Variants in TMEM163 observed in about 807,000 individuals in gnomAD.
TMEM163 encodes transmembrane protein 163.
Under a neutral mutation model 29.3 loss-of-function variants are expected in TMEM163, and 17 were observed. The ratio of observed to expected loss-of-function variants is 0.58; its 90% CI spans 0.40 to 0.87. TMEM163 has a LOEUF of 0.87. Ranked by LOEUF, TMEM163 falls within the 40% of genes least tolerant of loss-of-function variation. The probability of loss-of-function intolerance (pLI) is 0.00; values close to 1 mark genes in which losing one functional copy is unlikely to be tolerated. For missense variants in TMEM163, 303 were observed against 381.5 expected (o/e 0.79, Z 1.71); for synonymous variants, 157 against 160.6 (o/e 0.98, Z 0.17).
At chr2:134,467,924 G>A (rs1395260246) in intron 5 of TMEM163, 7 of 152,088 alleles carry the variant, frequency 4.6e-5, no homozygotes, top group Admixed American at 2.0e-4. Context: ...ATCACCTCAC[G>A]GAAGTTTTAC....
intron 2 of TMEM163, among the ~76,000 whole-genome samples, chr2:134,632,909 ATT>A (rs57488299): frequency 9.3e-5 from 11 of 118,602 alleles, no homozygotes; most frequent in African/African-American, 1.6e-4. Context: ...CACCCAGCTA[ATT>A]TTTTTTTTTT....
At chr2:134,570,947 C>T (rs943937999) in intron 2 of TMEM163, among the ~76,000 whole-genome samples, 2 of 152,200 alleles carry the variant, frequency 1.3e-5, no homozygotes, top group African/African-American at 4.8e-5. Flanking sequence ...AATGCGTTCT[C>T]ATTTATTTTG....
chr2:134,456,519 G>C lies in TMEM163; in HGVS notation c.*197C>G. 1.6e-6 allele frequency: 1 copy of C among 633,948 alleles called. No individual in the cohort carries two copies. Among genetic ancestry groups the C allele is most frequent in the Non-Finnish European group, 2.8e-6 (1 of 355,858 alleles). The allele number at this position is 633,948 out of a possible 1,614,324, so 39.3% of individuals were successfully genotyped here. On this transcript the variant is annotated 3_prime_UTR_variant, in exon 8 of 8. Transcript: ENST00000281924. Reference sequence around the variant, plus strand: ...AAGGAGGTCCATTCCTATGGGCATTGTCCCAACATGTTTGATGGGGGCGGC... The same window carrying C: ...AAGGAGGTCCATTCCTATGGGCATTCTCCCAACATGTTTGATGGGGGCGGC...
At chr2:134,690,287 G>A (rs1684435085) in intron 2 of TMEM163, among the ~76,000 whole-genome samples, 1 of 145,806 alleles carries the variant, frequency 6.9e-6, no homozygotes, top group African/African-American at 2.5e-5. Flanking sequence ...ACCTACATCA[G>A]CAATTTTTTT....
chr2:134,662,548 A>G (rs1266903849), intron 2 of TMEM163, among the ~76,000 whole-genome samples: 1 of 152,176 alleles, frequency 6.6e-6, no homozygotes, highest in African/African-American at 2.4e-5. Context: ...AAAAAAAAAG[A>G]CTAGCTGTAA....
chr2:134,513,284 T>C (rs1679988962), intron 4 of TMEM163, among the ~76,000 whole-genome samples: 1 of 152,140 alleles, frequency 6.6e-6, no homozygotes, highest in Non-Finnish European at 1.5e-5. Flanking sequence ...AAGTGTGGGA[T>C]GTGTGTGTTA....
rs751838338 is a variant in TMEM163, at chr2:134,614,247, G to A, written c.323-62156C>T. On this transcript the variant is annotated intron_variant, in intron 2 of 7. Transcript: ENST00000281924. ...AGGGACAGTTTTTTCAACATACAAT[G>A]ATGGAGATATCAGATATCAAAGGGC... Among the ~76,000 whole-genome samples, 9 of 152,082 alleles carry A rather than the reference G, an allele frequency of 5.9e-5. No homozygotes were observed. In the South Asian group the frequency reaches 6.2e-4, roughly 10 times the overall value.
At chr2:134,578,118 T>G (rs1032722861) in intron 2 of TMEM163, among the ~76,000 whole-genome samples, 1 of 152,170 alleles carries the variant, frequency 6.6e-6, no homozygotes, top group African/African-American at 2.4e-5. Flanking sequence ...TTTTTGATAA[T>G]ACAGTTATAT....
At chr2:134,660,350 A>C (rs1246151392) in intron 2 of TMEM163, among the ~76,000 whole-genome samples, 1 of 152,216 alleles carries the variant, frequency 6.6e-6, no homozygotes, top group Non-Finnish European at 1.5e-5. Context: ...CTCTGCAATC[A>C]GGAAGGCAAG....
At chr2:134,698,380 T>C (rs1684625168) in intron 2 of TMEM163, among the ~76,000 whole-genome samples, 1 of 152,224 alleles carries the variant, frequency 6.6e-6, no homozygotes, top group Admixed American at 6.5e-5. Flanking sequence ...TTGTAAATAA[T>C]GGTCTCATTT....
chr2:134,582,190 G>A (rs61091974), intron 2 of TMEM163, among the ~76,000 whole-genome samples: 1 of 152,288 alleles, frequency 6.6e-6, no homozygotes, highest in South Asian at 2.1e-4. Flanking sequence ...GAGGACAAAG[G>A]CTGGGAAGGG....
At chr2:134,551,581 C>T (rs183911153) in intron 3 of TMEM163, among the ~76,000 whole-genome samples, 1 of 152,294 alleles carries the variant, frequency 6.6e-6, no homozygotes, top group Admixed American at 6.5e-5. Context: ...ACAGACCTAG[C>T]CTGTGAAGCA....
rs534703697 is a variant in TMEM163 at position 134,460,194 on chromosome 2, ACT to A, written c.668-2023_668-2022del. On this transcript the variant is annotated intron_variant, in intron 6 of 7. Coordinates refer to ENST00000281924, the MANE Select transcript of TMEM163 (RefSeq NM_030923.5). The surrounding 1 kb of genome is among the most constrained non-coding windows in gnomAD (Gnocchi z 4.3). ...CCCTCTGTCGGTGAGCAGCAGCCAG[ACT>A]CTCCCGCAGGAAAGCCCCCGTCACG... Among the ~76,000 whole-genome samples the A allele has an allele frequency of 1.0e-3, 157 of 149,534 alleles. 1 individual carries two copies. The highest frequency in any genetic ancestry group is 6.9e-3 in the Middle Eastern group (2 of 288).
rs111674433 is a variant in TMEM163 at position 134,466,209 on chromosome 2, C to T, written c.572G>A (p.Ser191Asn). The change falls in exon 6 of 8, where the codon AGT becomes AAT. Residue 191 changes from serine (S) to asparagine (N), a missense_variant. Physicochemically the swap from Ser to Asn is conservative, Grantham distance 46. This residue lies in a region of TMEM163 where 203 missense variants were observed against 294.3 expected (regional missense o/e 0.69). Coordinates refer to ENST00000281924, the MANE Select transcript of TMEM163 (RefSeq NM_030923.5). ...AAGAATCCCACTTAAAATGGAGACA[C>T]TGAACAGGAAATCGTCCTGCAAGAG... is the stretch of plus-strand genomic sequence containing the variant. ...LLPEVDDFLF[S>N]VSILSGILCS... The T allele has an allele frequency of 6.2e-7, 1 of 1,613,608 alleles. No individual in the cohort carries two copies. Among genetic ancestry groups the T allele is most frequent in the African/African-American group, 1.3e-5 (1 of 74,942 alleles).
At chr2:134,476,662 A>G (rs1447695512) in intron 5 of TMEM163, among the ~76,000 whole-genome samples, 3 of 152,184 alleles carry the variant, frequency 2.0e-5, no homozygotes, top group Admixed American at 6.5e-5. Flanking sequence ...CAGTCGTTGT[A>G]AAGATTAAAT....
chr2:134,465,271 CAT>C (rs927760739), intron 6 of TMEM163, among the ~76,000 whole-genome samples: 1 of 148,894 alleles, frequency 6.7e-6, no homozygotes, highest in African/African-American at 2.5e-5. Flanking sequence ...TAACATAAAA[CAT>C]GTTTGTGTGT....
intron 4 of TMEM163, among the ~76,000 whole-genome samples, chr2:134,515,791 A>G (rs1218959334): frequency 6.6e-6 from 1 of 152,232 alleles, no homozygotes; most frequent in African/African-American, 2.4e-5. Context: ...AAGGAAACAC[A>G]CACTAAAGTA....
intron 2 of TMEM163, among the ~76,000 whole-genome samples, chr2:134,637,884 C>T (rs1683140236): frequency 6.6e-6 from 1 of 152,064 alleles, no homozygotes; most frequent in South Asian, 2.1e-4. Flanking sequence ...AGAAATATGC[C>T]TTTAGGAACT....
chr2:134,514,410 A>T (rs973634268), intron 4 of TMEM163, among the ~76,000 whole-genome samples: 3 of 145,292 alleles, frequency 2.1e-5, no homozygotes, highest in Non-Finnish European at 3.0e-5. Context: ...TTTTTTTTAA[A>T]AAAAGAGGTC....
Sources: gnomAD v4.1 joint callset for allele counts (sites outside exome capture counted in the v4.1 genomes callset) on GRCh38, gnomAD v4.1.1 for gene constraint, gnomAD v4.1.1 regional missense constraint, Gnocchi (gnomAD v3.1) non-coding constraint, MANE v1.5 for transcripts, NCBI Gene and HGNC (gene_info 2026-07-23, HGNC 2026-07-21) for gene names.